The following CLASP2 variants were observed in gnomAD, a reference collection of about 807,000 sequenced individuals.
CLASP2 encodes cytoplasmic linker associated protein 2.
CLASP2 carries 47 observed loss-of-function variants against 194.4 expected under a neutral mutation model. The ratio of observed to expected loss-of-function variants is 0.24; its 90% CI spans 0.19 to 0.31. The LOEUF (loss-of-function observed/expected upper bound fraction) is 0.31. Ranked by LOEUF, CLASP2 falls within the 10% of genes least tolerant of loss-of-function variation. The pLI is 1.00. For missense variants in CLASP2, 1,445 were observed against 1,823.6 expected (o/e 0.79, Z 3.78); for synonymous variants, 619 against 633.5 (o/e 0.98, Z 0.34).
chr3:33,540,542 T>C (rs755325812), intron 32 of CLASP2, among the ~76,000 whole-genome samples: 1 of 152,128 alleles, frequency 6.6e-6, no homozygotes, highest in African/African-American at 2.4e-5. Context: ...CTGCTCTATA[T>C]GTTATAGACA....
chr3:33,568,535 CAGAA>C (rs1366719941), intron 26 of CLASP2, among the ~76,000 whole-genome samples: 1 of 87,086 alleles, frequency 1.1e-5, no homozygotes, highest in South Asian at 3.7e-4. Context: ...GCCTGGGTGA[CAGAA>C]AGAGATCTTG....
chr3:33,570,898 G>A, intron 25 of CLASP2, 108 bp from the exon 26 acceptor site: 1 of 995,428 alleles, frequency 1.0e-6, no homozygotes, highest in Non-Finnish European at 1.4e-6. Context: ...AGGTTAGGTT[G>A]GGCATGGTGG....
intron 23 of CLASP2, among the ~76,000 whole-genome samples, chr3:33,581,292 G>A (rs1244711743): frequency 6.6e-6 from 1 of 152,124 alleles, no homozygotes; most frequent in African/African-American, 2.4e-5. Context: ...TTACCGCAGT[G>A]ACAAGAGCAT....
At chr3:33,683,948 A>C (rs1367763001) in intron 6 of CLASP2, among the ~76,000 whole-genome samples, 41 of 150,722 alleles carry the variant, frequency 2.7e-4, no homozygotes, top group African/African-American at 9.5e-4. Context: ...AAAAAAAAAA[A>C]AAAAATTAAA....
Position 33,678,655 on chromosome 3 carries a change from A to G in CLASP2, c.644+5704T>C, listed in dbSNP as rs2089271513. Among the ~76,000 whole-genome samples the G allele has an allele frequency of 2.0e-5, 3 of 152,196 alleles. No homozygotes were observed. The South Asian group carries it at 6.2e-4, about 31-fold the overall frequency. ...AATGTTAAAAAGGAGTTCTTTAGAG[A>G]GAAGGAAAATGATACAGGTCAAAAA... On this transcript the variant is annotated intron_variant, in intron 6 of 38. Coordinates refer to ENST00000682230, the MANE Select transcript of CLASP2 (RefSeq NM_001365631.1).
At chr3:33,657,001 C>T (rs180731303) in intron 7 of CLASP2, among the ~76,000 whole-genome samples, 51 of 152,210 alleles carry the variant, frequency 3.4e-4, no homozygotes, top group Non-Finnish European at 1.0e-4. Context: ...GTGTTCTCCT[C>T]TGTTTACACC....
chr3:33,602,397 C>T, intron 18 of CLASP2: 2 of 638,684 alleles, frequency 3.1e-6, no homozygotes, highest in South Asian at 3.7e-5. Flanking sequence ...GCTTAGTGTT[C>T]CAGCAGTACT....
rs748409182 is a variant in CLASP2 at position 33,577,215 on chromosome 3, C to T, written c.2348-940G>A. On this transcript the variant is annotated intron_variant, in intron 23 of 38. Coordinates refer to ENST00000682230, the MANE Select transcript of CLASP2 (RefSeq NM_001365631.1). The stretch of plus-strand genomic sequence containing the variant: ...CTCATCCTTCACCTGAGGCCCCATA[C>T]ACTTCGGGGGCGTAGAGGGCACCAG... 6 of 1,597,276 alleles carry T rather than the reference C, an allele frequency of 3.8e-6. No homozygotes were observed. The East Asian group carries it at 8.9e-5, about 24-fold the overall frequency.
chr3:33,547,696 ATG>A (rs2059366389), intron 30 of CLASP2, among the ~76,000 whole-genome samples: 1 of 152,094 alleles, frequency 6.6e-6, no homozygotes, highest in Admixed American at 6.5e-5. Context: ...GTTTGGAAGA[ATG>A]TGTGAAGAAT....
intron 29 of CLASP2, among the ~76,000 whole-genome samples, chr3:33,553,383 A>G (rs1266826066): frequency 6.6e-6 from 1 of 152,240 alleles, no homozygotes; most frequent in East Asian, 1.9e-4. Context: ...CTGCATAGCA[A>G]AGGAAACAAT....
intron 6 of CLASP2, among the ~76,000 whole-genome samples, chr3:33,668,655 A>G (rs755769367): frequency 3.3e-5 from 5 of 152,224 alleles, no homozygotes; most frequent in African/African-American, 4.8e-5. Context: ...CTATAAAATA[A>G]TAAGGCCATA....
At position 33,570,809 on chromosome 3, in the gene CLASP2, G is replaced by T; in HGVS notation, c.2700-19C>A. On this transcript the variant is annotated intron_variant, in intron 25 of 38. Transcript: ENST00000682230. ...AACTCGACTGCCAAGATAATACAGCGGTTAATTAATATCTTGCTGTAGCAA... is the reference window on the plus strand; with the variant it reads ...AACTCGACTGCCAAGATAATACAGCTGTTAATTAATATCTTGCTGTAGCAA... 1.3e-6 allele frequency: 2 copies of T among 1,556,238 alleles called. No individual in the cohort carries two copies. Among genetic ancestry groups the T allele is most frequent in the East Asian group, 2.3e-5 (1 of 42,710 alleles).
At chr3:33,630,353 T>C (rs1333533508) in intron 9 of CLASP2, among the ~76,000 whole-genome samples, 1 of 152,152 alleles carries the variant, frequency 6.6e-6, no homozygotes. Flanking sequence ...GAGCTGGGAT[T>C]CAAACCTAGG....
chr3:33,556,413 G>C (rs1228260798), intron 29 of CLASP2, among the ~76,000 whole-genome samples: 1 of 151,664 alleles, frequency 6.6e-6, no homozygotes, highest in Non-Finnish European at 1.5e-5. Context: ...ACTGGTGTAA[G>C]AGTTGAAAAG....
intron 22 of CLASP2, among the ~76,000 whole-genome samples, chr3:33,584,464 G>A (rs2066898228): frequency 6.6e-6 from 1 of 150,946 alleles, no homozygotes; most frequent in Non-Finnish European, 1.5e-5. Context: ...GTAGAGACGG[G>A]GGTATTGGCC....
At chr3:33,514,940 G>T (rs540213215) in intron 36 of CLASP2, among the ~76,000 whole-genome samples, 1 of 152,094 alleles carries the variant, frequency 6.6e-6, no homozygotes, top group East Asian at 1.9e-4. Flanking sequence ...TGGAATTGGC[G>T]ATCTTTTATT....
At chr3:33,651,170 GCCAGCAGTTTGAGA>G (rs1393919557) in intron 7 of CLASP2, among the ~76,000 whole-genome samples, 2 of 152,078 alleles carry the variant, frequency 1.3e-5, no homozygotes, top group Non-Finnish European at 1.5e-5. Flanking sequence ...ATCATTTGAG[GCCAGCAGTTTGAGA>G]CCAGCCTGGC....
At chr3:33,697,741 A>T (rs1479995418) in intron 1 of CLASP2, among the ~76,000 whole-genome samples, 1 of 152,214 alleles carries the variant, frequency 6.6e-6, no homozygotes, top group Non-Finnish European at 1.5e-5. Context: ...CACTGGGTCT[A>T]CAAAATCATG....
rs962854814 is a variant in CLASP2, at chr3:33,696,353, C to CTTTTTTT, written c.274+495_274+501dup. ...CCAGTAAAAACAATTTTCTTTCTTTCTTTTTTTTTTTTTTTTTTTTTTTTT... is the reference window on the plus strand; with the variant it reads ...CCAGTAAAAACAATTTTCTTTCTTTCTTTTTTTTTTTTTTTTTTTTTTTTTTTTTTTT... On this transcript the variant is annotated intron_variant, in intron 2 of 38. Transcript: ENST00000682230. Among the ~76,000 whole-genome samples the CTTTTTTT allele has an allele frequency of 3.2e-3, 171 of 52,732 alleles. 1 individual carries two copies. Among genetic ancestry groups the CTTTTTTT allele is most frequent in the African/African-American group, 8.7e-3 (112 of 12,914 alleles). 34.6% of individuals were successfully genotyped at this position (52,732 alleles called of 152,430 possible).
Sources: allele counts gnomAD v4.1 joint callset (sites outside exome capture counted in the v4.1 genomes callset), GRCh38; gene constraint gnomAD v4.1.1; transcripts MANE v1.5; gene names NCBI Gene and HGNC (gene_info 2026-07-23, HGNC 2026-07-21).